PLCD4: variants seen among roughly 807,000 people sequenced by gnomAD.
The protein encoded by PLCD4 is phospholipase C delta 4.
A neutral mutation model predicts 90.2 loss-of-function variants in PLCD4; 63 were observed. That is an observed-to-expected ratio of 0.70 (90% CI 0.57 to 0.86). PLCD4 has a LOEUF of 0.86. Ranked by LOEUF, PLCD4 falls within the 40% of genes least tolerant of loss-of-function variation. PLCD4 has a pLI of 0.00. For missense variants in PLCD4, 830 were observed against 956.3 expected, an observed-to-expected ratio of 0.87 and a Z score of 1.74; for synonymous variants, 294 against 356.5, an observed-to-expected ratio of 0.82 and a Z score of 1.97.
At chr2:218,636,154 C>A in intron 14 of PLCD4, 89 bp from the exon 15 acceptor site, 1 of 1,443,134 alleles carries the variant, frequency 6.9e-7, no homozygotes, top group Non-Finnish European at 9.6e-7. Context: ...TGCTGATTGC[C>A]ATCTAGATTA....
In PLCD4 at chr2:218,637,097, G is replaced by T. The variant is rs1696810041; in HGVS notation, c.*520G>T. The stretch of plus-strand genomic sequence containing the variant: ...CAGGACTGTACTACGACTCTTAAGA[G>T]AACACTGCACAGCACTCAAAGTCCC... On this transcript the variant is annotated 3_prime_UTR_variant, in exon 16 of 16. Coordinates refer to ENST00000450993, the MANE Select transcript of PLCD4 (RefSeq NM_032726.4). 2.8e-6 allele frequency: 1 copy of T among 360,004 alleles called. No homozygotes were observed. The highest frequency in any genetic ancestry group is 2.2e-5 in the South Asian group (1 of 46,186). The allele number at this position is 360,004 out of a possible 1,614,324, so 22.3% of individuals were successfully genotyped here.
At chr2:218,613,072 C>T (rs1303205329) in intron 1 of PLCD4, among the ~76,000 whole-genome samples, 1 of 152,044 alleles carries the variant, frequency 6.6e-6, no homozygotes, top group Non-Finnish European at 1.5e-5. Flanking sequence ...AGATGTGCAC[C>T]ACTGTCAAAA....
At chr2:218,630,904 T>G in intron 9 of PLCD4, 102 bp downstream of exon 9, 5 of 1,264,462 alleles carry the variant, frequency 4.0e-6, no homozygotes, top group Non-Finnish European at 5.4e-6. Flanking sequence ...CTTTCTATCC[T>G]CGGATGGACC....
chr2:218,634,070 C>T lies in PLCD4; in HGVS notation c.1607-35C>T, dbSNP rs1188962655. The T allele has an allele frequency of 3.2e-6, 5 of 1,572,900 alleles. No individual in the cohort carries two copies. Among genetic ancestry groups the T allele is most frequent in the Non-Finnish European group, 4.3e-6 (5 of 1,158,962 alleles). On this transcript the variant is annotated intron_variant, in intron 11 of 15. Transcript: ENST00000450993. This position sits in a 1 kb window ranked among gnomAD's most constrained non-coding sequence, Gnocchi z 4.0. ...GGACTAGGGAAGTGGGAGATTCCAC[C>T]CCACTTCCATCTCCCTCTCTATACC...
chr2:218,630,604 A>G, intron 8 of PLCD4, 46 bp from the exon 9 acceptor site: 1 of 1,612,256 alleles, frequency 6.2e-7, no homozygotes, highest in Middle Eastern at 1.7e-4. Context: ...AGTAGGTTGC[A>G]GTGTTTTAGA....
intron 4 of PLCD4, 142 bp downstream of exon 4, chr2:218,618,949 C>T (rs1695754489): frequency 1.4e-6 from 1 of 710,956 alleles, no homozygotes; most frequent in South Asian, 1.8e-5. Context: ...AGGGACAGCT[C>T]AGGCCAATGT....
intron 6 of PLCD4, among the ~76,000 whole-genome samples, chr2:218,623,936 A>G (rs1695996641): frequency 2.0e-5 from 3 of 151,900 alleles, no homozygotes; most frequent in Admixed American, 6.6e-5. Flanking sequence ...ACCCGCCTCA[A>G]CCTCCCAAAG....
chr2:218,636,593 G>A lies in PLCD4; in HGVS notation c.*16G>A, dbSNP rs1696770744. 1 of 1,610,990 alleles carries A rather than the reference G, an allele frequency of 6.2e-7. No individual in the cohort carries two copies. On this transcript the variant is annotated 3_prime_UTR_variant, in exon 16 of 16. Coordinates refer to ENST00000450993, the MANE Select transcript of PLCD4 (RefSeq NM_032726.4). ...TGAGTCCTGAGGTGGGCATTTCACG[G>A]GAAGGGTTGGTGTGCTGGCTTTAGA...
chr2:218,614,657 GC>G (rs1213734958), intron 1 of PLCD4, among the ~76,000 whole-genome samples: 1 of 148,852 alleles, frequency 6.7e-6, no homozygotes, highest in Non-Finnish European at 1.5e-5. Flanking sequence ...TGCCATGTTG[GC>G]CAGGCAGGTC....
chr2:218,636,269 C>CT lies in PLCD4; in HGVS notation c.2060dup (p.Cys688MetfsTer8). On this transcript the variant is annotated frameshift_variant, in exon 15 of 16. Coordinates refer to ENST00000450993, the MANE Select transcript of PLCD4 (RefSeq NM_032726.4). LOFTEE classifies it high-confidence loss of function. ...TTTTAATCCATACTGGGGGCAGACA[C>CT]TATGTTTCCGGGTGCTGGTGCCTGA... 6.2e-7 allele frequency: 1 copy of CT among 1,614,054 alleles called. No individual in the cohort carries two copies. Among genetic ancestry groups the CT allele is most frequent in the Non-Finnish European group, 8.5e-7 (1 of 1,179,896 alleles).
chr2:218,610,154 T>G (rs1695268305), intron 1 of PLCD4, among the ~76,000 whole-genome samples: 1 of 151,328 alleles, frequency 6.6e-6, no homozygotes, highest in African/African-American at 2.4e-5. Context: ...TTTTTTATAG[T>G]GAACTGGGAA....
intron 1 of PLCD4, among the ~76,000 whole-genome samples, chr2:218,611,724 G>A (rs748891647): frequency 1.4e-5 from 2 of 145,698 alleles, no homozygotes; most frequent in African/African-American, 2.6e-5. Context: ...TCAGCCTCAC[G>A]AGTAGCTGGG....
intron 6 of PLCD4, among the ~76,000 whole-genome samples, chr2:218,626,258 CAAA>C (rs10616178): frequency 2.2e-3 from 296 of 135,224 alleles, no homozygotes; most frequent in Admixed American, 2.7e-3. Context: ...CTCTGTCTCC[CAAA>C]AAAAAAAAAA....
In PLCD4 at chr2:218,616,003, A is replaced by G. The variant is rs368808205; in HGVS notation, c.122A>G (p.Gln41Arg). 59 of 1,613,946 alleles carry G rather than the reference A, an allele frequency of 3.7e-5. No individual in the cohort carries two copies. The highest frequency in any genetic ancestry group is 4.7e-5 in the Non-Finnish European group (55 of 1,179,914). The change falls in exon 3 of 16, where the codon CAG (glutamine) becomes CGG (arginine). Residue 41 changes from glutamine to arginine, a missense_variant. Gln to Arg is a conservative substitution (Grantham distance 43). Coordinates refer to ENST00000450993, the MANE Select transcript of PLCD4 (RefSeq NM_032726.4). ...AAGAAGCTAAGATACTTCAGACTTC[A>G]GAATGACGGCATGACAGTCTGGCAT... Reference protein sequence around the residue: ...SWKKLRYFRLQNDGMTVWHAR... With the variant: ...SWKKLRYFRLRNDGMTVWHAR...
At chr2:218,630,462 C>T (rs1229047056) in intron 8 of PLCD4, among the ~76,000 whole-genome samples, 188 bp from the exon 9 acceptor site, 1 of 152,186 alleles carries the variant, frequency 6.6e-6, no homozygotes, top group Non-Finnish European at 1.5e-5. Flanking sequence ...TAGATGTGGG[C>T]AGTGTCGCAG....
chr2:218,632,333 C>T (rs1427885873), intron 10 of PLCD4, 21 bp downstream of exon 10: 12 of 1,588,458 alleles, frequency 7.6e-6, no homozygotes, highest in Non-Finnish European at 1.0e-5. Flanking sequence ...AGTGGTCTTT[C>T]TGCTGTGGTA....
chr2:218,615,917 T>A lies in PLCD4; in HGVS notation c.36T>A (p.Asp12Glu). The A allele has an allele frequency of 6.2e-7, 1 of 1,614,020 alleles. No homozygotes were observed. Among genetic ancestry groups the A allele is most frequent in the Non-Finnish European group, 8.5e-7 (1 of 1,179,890 alleles). The part of the protein sequence containing the change: ...ASLLQDQLTT[D>E]QDLLLMQEGM... ...TTCCTGACCTAGAGCTGACCACTGA[T>A]CAGGACTTGCTGCTGATGCAGGAAG... Residue 12 changes from aspartate to glutamate, a missense_variant, in exon 3 of 16, where the codon GAT becomes GAA. Physicochemically the swap from Asp to Glu is conservative, Grantham distance 45 (BLOSUM62 2). Coordinates refer to ENST00000450993, the MANE Select transcript of PLCD4 (RefSeq NM_032726.4).
intron 8 of PLCD4, 64 bp from the exon 9 acceptor site, chr2:218,630,586 C>T: frequency 6.2e-7 from 1 of 1,601,258 alleles, no homozygotes; most frequent in East Asian, 2.2e-5. Flanking sequence ...GAAGCGGGTA[C>T]TTGAAGAAGT....
At chr2:218,609,538 A>G (rs1695237860) in intron 1 of PLCD4, 1 of 152,206 alleles carries the variant, frequency 6.6e-6, no homozygotes, top group Non-Finnish European at 1.5e-5. Context: ...AACCTTTCTT[A>G]TTATCAGATG....
Sources: allele counts gnomAD v4.1 joint callset (sites outside exome capture counted in the v4.1 genomes callset), GRCh38; gene constraint gnomAD v4.1.1; non-coding constraint Gnocchi (gnomAD v3.1); transcripts MANE v1.5; gene names NCBI Gene and HGNC (gene_info 2026-07-23, HGNC 2026-07-21).